The following DGKI variants were observed in gnomAD, a reference collection of about 807,000 sequenced individuals.
The protein encoded by DGKI is diacylglycerol kinase iota.
A neutral mutation model predicts 147.5 loss-of-function variants in DGKI; 55 were observed. That is an observed-to-expected ratio of 0.37 (90% confidence interval 0.30 to 0.47). DGKI has a LOEUF of 0.47. DGKI is among the 20% of genes least tolerant of loss of function. The pLI, the probability that DGKI is intolerant of heterozygous loss-of-function variation, is 1.00. For missense variants in DGKI, 1,007 were observed against 1,323.8 expected, an observed-to-expected ratio of 0.76 and a Z score of 3.71; for synonymous variants, 469 against 477.1, an observed-to-expected ratio of 0.98 and a Z score of 0.22.
intron 1 of DGKI, among the ~76,000 whole-genome samples, chr7:137,695,064 A>T (rs940808798): frequency 6.6e-6 from 1 of 152,224 alleles, no homozygotes; most frequent in African/African-American, 2.4e-5. Context: ...CACTTTTGGT[A>T]TTGAATCTTC....
chr7:137,588,163 C>T (rs1819475533), intron 12 of DGKI, among the ~76,000 whole-genome samples: 1 of 152,120 alleles, frequency 6.6e-6, no homozygotes, highest in South Asian at 2.1e-4. Context: ...ATCAGTTTTG[C>T]ATCAAATTTA....
intron 27 of DGKI, among the ~76,000 whole-genome samples, chr7:137,455,989 A>AT (rs1814190505): frequency 6.6e-6 from 1 of 152,166 alleles, no homozygotes; most frequent in Non-Finnish European, 1.5e-5. Context: ...CCTAAGACAG[A>AT]CACACTGAGA....
At chr7:137,508,820 A>AC (rs1816468008) in intron 21 of DGKI, among the ~76,000 whole-genome samples, 1 of 152,164 alleles carries the variant, frequency 6.6e-6, no homozygotes, top group Admixed American at 6.5e-5. Context: ...ATGCCTAGTT[A>AC]CAGAAAAATC....
At chr7:137,446,467 G>C (rs1012802987) in intron 27 of DGKI, among the ~76,000 whole-genome samples, 2 of 152,100 alleles carry the variant, frequency 1.3e-5, no homozygotes, top group African/African-American at 2.4e-5. Context: ...ATCCATTATT[G>C]CTGGAAATCG....
chr7:137,531,370 T>C (rs1025189922), intron 20 of DGKI, among the ~76,000 whole-genome samples: 3 of 152,200 alleles, frequency 2.0e-5, no homozygotes, highest in Non-Finnish European at 4.4e-5. Context: ...TTAAAGATTC[T>C]ATCACAAAAC....
chr7:137,739,117 G>A (rs1232247980), intron 1 of DGKI, among the ~76,000 whole-genome samples: 1 of 152,132 alleles, frequency 6.6e-6, no homozygotes, highest in Non-Finnish European at 1.5e-5. Context: ...ATCAGGAGCT[G>A]AAATCCAGCC....
intron 21 of DGKI, among the ~76,000 whole-genome samples, chr7:137,492,594 A>G (rs1355485760): frequency 6.6e-6 from 1 of 152,130 alleles, no homozygotes; most frequent in Non-Finnish European, 1.5e-5. Context: ...ACAGAAACTT[A>G]AGCTGGAAGG....
intron 3 of DGKI, among the ~76,000 whole-genome samples, chr7:137,671,860 T>G (rs1822852127): frequency 6.6e-6 from 1 of 152,194 alleles, no homozygotes; most frequent in Non-Finnish European, 1.5e-5. Flanking sequence ...CCAAACATTA[T>G]CTACGAGGAA....
chr7:137,602,055 T>G (rs1820008812), intron 10 of DGKI, among the ~76,000 whole-genome samples: 1 of 152,174 alleles, frequency 6.6e-6, no homozygotes. Context: ...CTATGAAGTG[T>G]GTTTGGGATT....
At chr7:137,545,400 T>G (rs1191444861) in intron 20 of DGKI, among the ~76,000 whole-genome samples, 1 of 152,118 alleles carries the variant, frequency 6.6e-6, no homozygotes, top group African/African-American at 2.4e-5. Flanking sequence ...CTCCTAAATA[T>G]ACATAAAAAT....
Position 137,834,669 on chromosome 7 carries a change from AAAC to A in DGKI, c.401+11790_401+11792del, listed in dbSNP as rs752736029. Among the ~76,000 whole-genome samples the A allele has an allele frequency of 1.0e-3, 152 of 152,346 alleles. 1 individual carries two copies. The highest frequency in any genetic ancestry group is 1.2e-3 in the Non-Finnish European group (84 of 68,034). On this transcript the variant is annotated intron_variant, in intron 1 of 32. Coordinates refer to ENST00000614521, the MANE Select transcript of DGKI (RefSeq NM_001321708.2). ...CAGTATTATGCAGCACACTCTTAGA[AAAC>A]AACAAAGTTTGCTCCCTTAACAACT...
chr7:137,526,154 C>T (rs1790503879), intron 20 of DGKI, among the ~76,000 whole-genome samples: 1 of 152,014 alleles, frequency 6.6e-6, no homozygotes. Flanking sequence ...AATAGCACTG[C>T]CATTAGTTTG....
chr7:137,696,098 T>A (rs749081317), intron 1 of DGKI, among the ~76,000 whole-genome samples: 25 of 152,176 alleles, frequency 1.6e-4, no homozygotes, highest in Non-Finnish European at 3.4e-4. Flanking sequence ...TCTGAATAAA[T>A]ATGTGCTTTT....
intron 1 of DGKI, among the ~76,000 whole-genome samples, chr7:137,799,357 G>A (rs1043873763): frequency 2.0e-5 from 3 of 152,130 alleles, no homozygotes; most frequent in East Asian, 1.9e-4. Flanking sequence ...TGTGGGGAAC[G>A]GGGAAGTGAC....
intron 21 of DGKI, among the ~76,000 whole-genome samples, chr7:137,495,856 C>G (rs2128940010): frequency 6.6e-6 from 1 of 152,196 alleles, no homozygotes; most frequent in Middle Eastern, 3.4e-3. Context: ...CAACATCATA[C>G]TGAATGGGTA....
intron 13 of DGKI, among the ~76,000 whole-genome samples, chr7:137,585,992 G>A (rs1380673588): frequency 1.3e-5 from 2 of 152,140 alleles, no homozygotes; most frequent in African/African-American, 2.4e-5. Flanking sequence ...ATGTAAATAC[G>A]TTTTTTATTT....
At chr7:137,675,106 CTGT>C (rs1822985086) in intron 3 of DGKI, among the ~76,000 whole-genome samples, 1 of 152,168 alleles carries the variant, frequency 6.6e-6, no homozygotes, top group Non-Finnish European at 1.5e-5. Context: ...CCAAAAAAGA[CTGT>C]TGTTCTAAGA....
intron 28 of DGKI, among the ~76,000 whole-genome samples, chr7:137,438,180 CA>C (rs1381752164): frequency 6.6e-6 from 1 of 151,872 alleles, no homozygotes. Flanking sequence ...ACATAGGAAA[CA>C]AAATAATTTT....
At chr7:137,449,352 A>AT (rs1435383891) in intron 27 of DGKI, among the ~76,000 whole-genome samples, 1 of 152,214 alleles carries the variant, frequency 6.6e-6, no homozygotes, top group African/African-American at 2.4e-5. Context: ...TAGCCAACTG[A>AT]TTTTCAGCAA....
Sources: gnomAD v4.1 joint callset for allele counts (sites outside exome capture counted in the v4.1 genomes callset) on GRCh38, gnomAD v4.1.1 for gene constraint, MANE v1.5 for transcripts, NCBI Gene and HGNC (gene_info 2026-07-23, HGNC 2026-07-21) for gene names.